The following BANP variants were observed in gnomAD, a reference collection of about 807,000 sequenced individuals.
BANP encodes the protein BTG3 associated nuclear protein.
In BANP, 11 loss-of-function variants were observed where a neutral mutation model predicts 68.1. The ratio of observed to expected loss-of-function variants is 0.16; its 90% CI spans 0.10 to 0.27. BANP has a LOEUF of 0.27. Among genes scored for constraint, BANP ranks in the 10% least tolerant of loss-of-function variants. BANP has a pLI of 1.00. For synonymous variants in BANP, 329 were observed against 303.2 expected, an observed-to-expected ratio of 1.09 and a Z score of -0.88; for missense variants, 504 against 722.7, an observed-to-expected ratio of 0.70 and a Z score of 3.47.
intron 4 of BANP, among the ~76,000 whole-genome samples, chr16:87,993,835 A>G (rs976578979): frequency 5.3e-5 from 8 of 152,116 alleles, no homozygotes; most frequent in African/African-American, 1.9e-4. Flanking sequence ...TCCTGACCTC[A>G]GGTGATCCGC....
At chr16:88,010,385 C>A (rs1299162471) in intron 6 of BANP, among the ~76,000 whole-genome samples, 1 of 152,104 alleles carries the variant, frequency 6.6e-6, no homozygotes, top group South Asian at 2.1e-4. Flanking sequence ...TGAATTATTG[C>A]CAGGAATTGG....
At chr16:88,041,915 G>C (rs567545776) in intron 11 of BANP, among the ~76,000 whole-genome samples, 1 of 152,266 alleles carries the variant, frequency 6.6e-6, no homozygotes. Flanking sequence ...CACAGAGCCT[G>C]AGAGACACAG....
At chr16:88,048,135 T>C (rs58359362) in intron 11 of BANP, among the ~76,000 whole-genome samples, 4,698 of 152,320 alleles carry the variant, frequency 0.031, 233 homozygotes, top group African/African-American at 0.11. Flanking sequence ...CACTGAAATA[T>C]GAGTAGAATT....
chr16:88,056,348 C>G (rs149351396), intron 11 of BANP, among the ~76,000 whole-genome samples: 84 of 152,216 alleles, frequency 5.5e-4, no homozygotes, highest in African/African-American at 1.9e-3. Flanking sequence ...CATTTTTGTC[C>G]CATTGAATTT....
At chr16:88,024,756 G>T (rs1438102676) in intron 7 of BANP, among the ~76,000 whole-genome samples, 1 of 152,268 alleles carries the variant, frequency 6.6e-6, no homozygotes, top group Non-Finnish European at 1.5e-5. Flanking sequence ...GGCCTGGAGC[G>T]CAGACGGAAG....
intron 1 of BANP, among the ~76,000 whole-genome samples, chr16:87,964,632 C>T (rs370037565): frequency 1.7e-4 from 26 of 152,290 alleles, no homozygotes; most frequent in African/African-American, 6.3e-4. Flanking sequence ...GGGGCATAGC[C>T]TGGCACGTGT....
At chr16:87,975,340 C>T (rs912190313) in intron 2 of BANP, 155 bp downstream of exon 2, 1 of 723,080 alleles carries the variant, frequency 1.4e-6, no homozygotes, top group Non-Finnish European at 2.3e-6. Context: ...CACTGTCGGC[C>T]CCTCCCTTCC....
At position 88,018,435 on chromosome 16, in the gene BANP, C is replaced by T. The variant is rs1485111683; in HGVS notation, c.663C>T (p.Tyr221=). 3 of 1,611,930 alleles carry T rather than the reference C, an allele frequency of 1.9e-6. No individual in the cohort carries two copies. Among genetic ancestry groups the T allele is most frequent in the Non-Finnish European group, 2.5e-6 (3 of 1,179,340 alleles). ...CTGTCTTCTGTTTTTCAGAGGACTACCCCAATGGCACCTGGCTGGGCGACG... is the reference window on the plus strand; with the variant it reads ...CTGTCTTCTGTTTTTCAGAGGACTATCCCAATGGCACCTGGCTGGGCGACG... ...TLITLNSEED[Y]PNGTWLGDEN... Residue 221 remains tyrosine, a synonymous_variant, in exon 7 of 14, where the codon TAC becomes TAT. Coordinates refer to ENST00000682872, the MANE Select transcript of BANP (RefSeq NM_001386991.1). The surrounding 1 kb of genome is among the most constrained non-coding windows in gnomAD (Gnocchi z 7.7).
intron 4 of BANP, among the ~76,000 whole-genome samples, chr16:88,001,245 C>T (rs1430181285): frequency 1.5e-5 from 2 of 132,848 alleles, no homozygotes; most frequent in African/African-American, 3.1e-5. Flanking sequence ...CACGCACGTG[C>T]GCGGCTGGAC....
intron 11 of BANP, among the ~76,000 whole-genome samples, chr16:88,056,647 C>T (rs190962797): frequency 2.1e-4 from 32 of 152,326 alleles, no homozygotes; most frequent in South Asian, 8.3e-4. Context: ...GGCCCCTGCA[C>T]TCCTGGCCCT....
At position 88,036,462 on chromosome 16, in the gene BANP, C is replaced by T. The variant is rs149568584; in HGVS notation, c.1272+1068C>T. 0.012 allele frequency among the ~76,000 whole-genome samples: 1,899 copies of T among 152,216 alleles called. 46 individuals are homozygous for T. The highest frequency in any genetic ancestry group is 0.044 in the African/African-American group (1,830 of 41,508). ...CTCACAGCGGGCGCAGAGCCTCCTG[C>T]CCAAGTGCCCGTGAGCAAGACTGTG... On this transcript the variant is annotated intron_variant, in intron 10 of 13. Transcript: ENST00000682872. This position sits in a 1 kb window ranked among gnomAD's most constrained non-coding sequence, Gnocchi z 4.2.
At chr16:88,050,723 CTG>C (rs746094082) in intron 11 of BANP, among the ~76,000 whole-genome samples, 3 of 152,156 alleles carry the variant, frequency 2.0e-5, no homozygotes, top group African/African-American at 7.2e-5. Context: ...CAGTCTCACT[CTG>C]TTGTCGAGGC....
chr16:88,062,130 T>G (rs1418084543), intron 11 of BANP, among the ~76,000 whole-genome samples: 2 of 152,200 alleles, frequency 1.3e-5, no homozygotes, highest in African/African-American at 4.8e-5. Context: ...GGATTAGTGG[T>G]TTCATCCTCG....
intron 7 of BANP, among the ~76,000 whole-genome samples, chr16:88,024,150 G>A (rs1341591995): frequency 6.6e-6 from 1 of 152,224 alleles, no homozygotes; most frequent in Non-Finnish European, 1.5e-5. Flanking sequence ...GCTCAGGACA[G>A]CAGAGTCACG....
chr16:87,970,415 C>A (rs978833356), intron 1 of BANP, among the ~76,000 whole-genome samples: 1 of 152,136 alleles, frequency 6.6e-6, no homozygotes, highest in South Asian at 2.1e-4. Flanking sequence ...TACCTAGATT[C>A]TTAATTCATC....
At position 87,957,288 on chromosome 16, in the gene BANP, C is replaced by T. The variant is rs2058263766; in HGVS notation, c.-69+5773C>T. On this transcript the variant is annotated intron_variant, in intron 1 of 13. Transcript: ENST00000682872. The surrounding 1 kb of genome is among the most constrained non-coding windows in gnomAD (Gnocchi z 4.3). ...TTACAGCGTGGGAGCTGTGGAAGGA[C>T]ACATGGAGCAGAGGCGGCTGAGGAG... Among the ~76,000 whole-genome samples the T allele has an allele frequency of 6.6e-6, 1 of 152,172 alleles. No individual in the cohort carries two copies. The highest frequency in any genetic ancestry group is 1.5e-5 in the Non-Finnish European group (1 of 68,036).
intron 7 of BANP, among the ~76,000 whole-genome samples, chr16:88,022,733 G>A (rs1408746563): frequency 2.5e-4 from 38 of 152,328 alleles, no homozygotes; most frequent in Non-Finnish European, 1.2e-4. Flanking sequence ...CGCTGCCTGA[G>A]AAGGCCCTTT....
rs2091702687 is a variant in BANP at position 88,076,860 on chromosome 16, T to C, written c.*199T>C. 1.7e-6 allele frequency: 1 copy of C among 571,952 alleles called. No individual in the cohort carries two copies. Among genetic ancestry groups the C allele is most frequent in the Non-Finnish European group, 3.1e-6 (1 of 324,850 alleles). The allele number at this position is 571,952 out of a possible 1,614,324, so 35.4% of individuals were successfully genotyped here. ...CGCCGCCCCCAGCCGGAGACCCCTT[T>C]CGTTTGAGTCCTGCTGTTGGTGTCG... On this transcript the variant is annotated 3_prime_UTR_variant, in exon 14 of 14. Coordinates refer to ENST00000682872, the MANE Select transcript of BANP (RefSeq NM_001386991.1).
intron 7 of BANP, among the ~76,000 whole-genome samples, chr16:88,024,336 T>C (rs529084027): frequency 6.6e-5 from 10 of 152,310 alleles, no homozygotes; most frequent in African/African-American, 2.4e-4. Flanking sequence ...TTTTTCTGGC[T>C]TTTGCCTCAA....
Sources: allele counts gnomAD v4.1 joint callset (sites outside exome capture counted in the v4.1 genomes callset), GRCh38; gene constraint gnomAD v4.1.1; non-coding constraint Gnocchi (gnomAD v3.1); transcripts MANE v1.5; gene names NCBI Gene and HGNC (gene_info 2026-07-23, HGNC 2026-07-21).